SMCO4: variants seen among roughly 807,000 people sequenced by gnomAD.
SMCO4 encodes the protein single-pass membrane and coiled-coil domain-containing protein 4.
In SMCO4, 4 loss-of-function variants were observed where a neutral mutation model predicts 3.6. The observed-to-expected ratio is 1.11, with a 90% CI of 0.54 to 2.53. The LOEUF (loss-of-function observed/expected upper bound fraction) is 2.53. Ranked by LOEUF, SMCO4 falls within the 30% of genes most tolerant of loss-of-function variation. The probability of loss-of-function intolerance (pLI) is 0.02; values close to 1 mark genes in which losing one functional copy is unlikely to be tolerated. For synonymous variants in SMCO4, 36 were observed against 35.3 expected, an observed-to-expected ratio of 1.02 and a Z score of -0.07; for missense variants, 70 against 80.8, an observed-to-expected ratio of 0.87 and a Z score of 0.51.
At chr11:93,507,233 T>C (rs1273744067) in intron 1 of SMCO4, among the ~76,000 whole-genome samples, 3 of 152,114 alleles carry the variant, frequency 2.0e-5, no homozygotes, top group Non-Finnish European at 4.4e-5. Flanking sequence ...GGTGAAACCC[T>C]ATCTCTACTA....
the SMCO4 span, among the ~76,000 whole-genome samples, chr11:93,552,566 G>A: frequency 1.3e-5 from 2 of 151,424 alleles, no homozygotes; most frequent in East Asian, 3.9e-4. Flanking sequence ...CTGTCTCCCG[G>A]GTTCAAGCGA....
chr11:93,544,127 G>A (rs540975225), upstream of SMCO4, among the ~76,000 whole-genome samples: 14 of 152,314 alleles, frequency 9.2e-5, no homozygotes, highest in African/African-American at 3.1e-4. Flanking sequence ...CTGGCCCACA[G>A]TGAACACGTC....
At chr11:93,529,813 C>G (rs1949145930) in intron 1 of SMCO4, among the ~76,000 whole-genome samples, 1 of 152,222 alleles carries the variant, frequency 6.6e-6, no homozygotes, top group Admixed American at 6.5e-5. Context: ...GCCTGGAGTT[C>G]CTTCTTCTTT....
intron 1 of SMCO4, among the ~76,000 whole-genome samples, chr11:93,541,524 G>A (rs1190934831): frequency 6.6e-6 from 1 of 152,094 alleles, no homozygotes; most frequent in Non-Finnish European, 1.5e-5. Flanking sequence ...ATGTTCTTCA[G>A]ACAAACCCCA....
At chr11:93,531,357 C>G (rs773395489) in intron 1 of SMCO4, among the ~76,000 whole-genome samples, 92 of 152,088 alleles carry the variant, frequency 6.0e-4, no homozygotes, top group Non-Finnish European at 1.2e-3. Context: ...ACCATTGGCT[C>G]TTCTGGAACT....
chr11:93,545,713 A>G (rs1313981629), upstream of SMCO4, among the ~76,000 whole-genome samples: 1 of 152,158 alleles, frequency 6.6e-6, no homozygotes, highest in Non-Finnish European at 1.5e-5. Context: ...TTTTACACTA[A>G]TGGCTTCTAA....
At position 93,535,650 on chromosome 11, in the gene SMCO4, C is replaced by G. The variant is rs952991332; in HGVS notation, c.-154+7626G>C. 6 of 1,602,314 alleles carry G rather than the reference C, an allele frequency of 3.7e-6. No homozygotes were observed. The Admixed American group carries it at 8.3e-5, about 22-fold the overall frequency. On this transcript the variant is annotated intron_variant, in intron 1 of 2. Coordinates refer to ENST00000298966, the MANE Select transcript of SMCO4 (RefSeq NM_020179.3). ...ACAACAAGTGTCTGTTAAGAGCTAC[C>G]GATGGGAAAAAGAAGATCAGCACAG...
At chr11:93,507,799 G>T (rs891341148) in intron 1 of SMCO4, among the ~76,000 whole-genome samples, 2 of 152,168 alleles carry the variant, frequency 1.3e-5, no homozygotes, top group Non-Finnish European at 2.9e-5. Context: ...ACATGTCTGT[G>T]TAAGGCTGGA....
chr11:93,521,036 T>A (rs942821452), intron 1 of SMCO4, among the ~76,000 whole-genome samples: 1 of 152,252 alleles, frequency 6.6e-6, no homozygotes, highest in African/African-American at 2.4e-5. Context: ...TTGTTTTTGA[T>A]GAAAATACAA....
At chr11:93,522,996 T>C (rs867447916) in intron 1 of SMCO4, among the ~76,000 whole-genome samples, 5 of 152,110 alleles carry the variant, frequency 3.3e-5, no homozygotes, top group Admixed American at 1.3e-4. Flanking sequence ...ATACACAAAA[T>C]TGGAAACCCC....
chr11:93,482,235 A>C (rs1948600013), intron 2 of SMCO4, among the ~76,000 whole-genome samples: 1 of 152,214 alleles, frequency 6.6e-6, no homozygotes, highest in South Asian at 2.1e-4. Flanking sequence ...AGGGGACCCT[A>C]TGGTGAAAAG....
intron 2 of SMCO4, chr11:93,481,541 C>T (rs1948593170): frequency 6.1e-6 from 6 of 984,882 alleles, no homozygotes; most frequent in Non-Finnish European, 7.2e-6. Flanking sequence ...GAACACACCC[C>T]AACGGCCCTG....
At position 93,514,221 on chromosome 11, in the gene SMCO4, T is replaced by C. The variant is rs142872618; in HGVS notation, c.-153-14873A>G. ...GGAGAATTCTGATCACTGAGGGCTATAGGCCAGTGGTTCATGGCAAAAATT... is the reference window on the plus strand; with the variant it reads ...GGAGAATTCTGATCACTGAGGGCTACAGGCCAGTGGTTCATGGCAAAAATT... On this transcript the variant is annotated intron_variant, in intron 1 of 2. Coordinates refer to ENST00000298966, the MANE Select transcript of SMCO4 (RefSeq NM_020179.3). Among the ~76,000 whole-genome samples, 49 of 151,836 alleles carry C rather than the reference T, an allele frequency of 3.2e-4. No homozygotes were observed. The East Asian group carries it at 8.3e-3, about 26-fold the overall frequency.
chr11:93,514,374 CTATATATATATATATATATATA>C (rs148462986), intron 1 of SMCO4, among the ~76,000 whole-genome samples: 1,068 of 39,080 alleles, frequency 0.027, 46 homozygotes, highest in African/African-American at 0.079. Context: ...CAGGATGAGG[CTATATATATATATATATATATA>C]TATATATATA....
intron 2 of SMCO4, among the ~76,000 whole-genome samples, chr11:93,484,918 T>C (rs1948631071): frequency 6.6e-6 from 1 of 152,158 alleles, no homozygotes; most frequent in Non-Finnish European, 1.5e-5. Flanking sequence ...CGGCCATGTG[T>C]TGAACATCTG....
Position 93,478,821 on chromosome 11 carries a change from T to A in SMCO4, c.*189A>T. Reference sequence around the variant, plus strand: ...ATAAGGTGTATGGCACATTCACTGATAAAACATCCCCTATTCCCTCCCAAG... The same window carrying A: ...ATAAGGTGTATGGCACATTCACTGAAAAAACATCCCCTATTCCCTCCCAAG... On this transcript the variant is annotated 3_prime_UTR_variant, in exon 3 of 3. Coordinates refer to ENST00000298966, the MANE Select transcript of SMCO4 (RefSeq NM_020179.3). 7.1e-7 allele frequency: 1 copy of A among 1,409,540 alleles called. No homozygotes were observed. Among genetic ancestry groups the A allele is most frequent in the Non-Finnish European group, 9.2e-7 (1 of 1,084,022 alleles). The allele number at this position is 1,409,540 out of a possible 1,614,324, so 87.3% of individuals were successfully genotyped here.
At chr11:93,486,147 C>T (rs1443851406) in intron 2 of SMCO4, among the ~76,000 whole-genome samples, 1 of 152,202 alleles carries the variant, frequency 6.6e-6, no homozygotes, top group Admixed American at 6.5e-5. Context: ...CACTAAAGCC[C>T]TCCACAAACA....
upstream of SMCO4, among the ~76,000 whole-genome samples, chr11:93,545,243 A>C (rs765867478): frequency 2.0e-5 from 3 of 152,130 alleles, no homozygotes; most frequent in Non-Finnish European, 4.4e-5. Context: ...TAATAAGGTG[A>C]CTCCACATGC....
chr11:93,534,637 G>A (rs945478141), intron 1 of SMCO4, among the ~76,000 whole-genome samples: 4 of 152,154 alleles, frequency 2.6e-5, no homozygotes, highest in African/African-American at 7.2e-5. Flanking sequence ...GTCCAGTGTG[G>A]CTCAACTCTG....
Sources: gnomAD v4.1 joint callset for allele counts (sites outside exome capture counted in the v4.1 genomes callset) on GRCh38, gnomAD v4.1.1 for gene constraint, MANE v1.5 for transcripts, NCBI Gene and HGNC (gene_info 2026-07-23, HGNC 2026-07-21) for gene names.